The following CA10 variants were observed in gnomAD, a reference collection of about 807,000 sequenced individuals.
The protein encoded by CA10 is carbonic anhydrase 10 (inactive).
CA10 carries 14 observed loss-of-function variants against 44.2 expected under a neutral mutation model. That is an observed-to-expected ratio of 0.32 (90% confidence interval 0.21 to 0.50). The LOEUF is 0.50. Ranked by LOEUF, CA10 falls within the 20% of genes least tolerant of loss-of-function variation. The pLI is 0.99. For missense variants in CA10, 350 were observed against 409.7 expected (o/e 0.85, Z 1.26); for synonymous variants, 159 against 141.6 (o/e 1.12, Z -0.87).
chr17:52,129,056 T>C (rs560074817), intron 1 of CA10, among the ~76,000 whole-genome samples: 30 of 152,298 alleles, frequency 2.0e-4, no homozygotes, highest in African/African-American at 6.7e-4. Flanking sequence ...CAGTGTTCTA[T>C]TGAAAGAAGT....
intron 2 of CA10, among the ~76,000 whole-genome samples, chr17:51,958,283 C>T (rs1419503889): frequency 1.3e-5 from 2 of 148,750 alleles, no homozygotes; most frequent in Non-Finnish European, 3.0e-5. Context: ...TGATAATTGG[C>T]ATTAATTCCC....
At chr17:52,138,970 A>G (rs1383888749) in intron 1 of CA10, among the ~76,000 whole-genome samples, 1 of 152,212 alleles carries the variant, frequency 6.6e-6, no homozygotes, top group Non-Finnish European at 1.5e-5. Flanking sequence ...AGAAAATTGG[A>G]ACAGCAGACA....
At chr17:51,771,325 C>G (rs1006078157) in intron 3 of CA10, among the ~76,000 whole-genome samples, 16 of 152,002 alleles carry the variant, frequency 1.1e-4, no homozygotes, top group African/African-American at 3.4e-4. Flanking sequence ...TAATGTTACA[C>G]TTGTTTTATA....
intron 3 of CA10, among the ~76,000 whole-genome samples, chr17:51,878,547 C>T (rs564177539): frequency 6.6e-6 from 1 of 151,802 alleles, no homozygotes; most frequent in Non-Finnish European, 1.5e-5. Context: ...GGCAGACAGA[C>T]CTGAGGAAGA....
chr17:51,862,113 A>G (rs1289516748), intron 3 of CA10, among the ~76,000 whole-genome samples: 1 of 152,110 alleles, frequency 6.6e-6, no homozygotes, highest in African/African-American at 2.4e-5. Context: ...TTTCTCACAG[A>G]TAAAGTCAAG....
chr17:51,664,517 T>C (rs1424073176), intron 4 of CA10, among the ~76,000 whole-genome samples: 1 of 150,892 alleles, frequency 6.6e-6, no homozygotes, highest in Admixed American at 6.6e-5. Flanking sequence ...TTAACATCCA[T>C]TTTAGTGGAA....
chr17:51,796,481 G>C (rs534896583), intron 3 of CA10, among the ~76,000 whole-genome samples: 1 of 152,138 alleles, frequency 6.6e-6, no homozygotes, highest in Admixed American at 6.5e-5. Context: ...TCTATGGGGT[G>C]GGGGAGATAG....
intron 4 of CA10, among the ~76,000 whole-genome samples, chr17:51,738,561 A>G (rs1916987880): frequency 6.6e-6 from 1 of 152,220 alleles, no homozygotes; most frequent in African/African-American, 2.4e-5. Flanking sequence ...ATTTATCTCA[A>G]TCAGGCACTA....
Position 51,931,037 on chromosome 17 carries a change from A to AG in CA10, c.231dup (p.Phe78LeufsTer61). 1 of 1,613,618 alleles carries AG rather than the reference A, an allele frequency of 6.2e-7. No individual in the cohort carries two copies. The highest frequency in any genetic ancestry group is 8.5e-7 in the Non-Finnish European group (1 of 1,179,662). On this transcript the variant is annotated frameshift_variant, in exon 3 of 9. Coordinates refer to ENST00000451037, the MANE Select transcript of CA10 (RefSeq NM_020178.5). LOFTEE classifies it high-confidence loss of function. ...CGAAGAGGTGTCAGAAAGGGGTCGA[A>AG]GATCATGTGACTGGTCTCTATGTTG... is the stretch of plus-strand genomic sequence containing the variant.
chr17:52,041,718 C>T (rs1986773969), intron 2 of CA10, among the ~76,000 whole-genome samples: 1 of 152,054 alleles, frequency 6.6e-6, no homozygotes, highest in Non-Finnish European at 1.5e-5. Flanking sequence ...CTTTGACGAA[C>T]ATCTCCCATT....
chr17:52,159,105 C>CG (rs577924801), upstream of CA10, among the ~76,000 whole-genome samples: 11 of 152,324 alleles, frequency 7.2e-5, no homozygotes, highest in South Asian at 2.1e-3. Flanking sequence ...GGGTTCGGCG[C>CG]GGGAGACCCA....
At chr17:51,874,514 C>T (rs531209605) in intron 3 of CA10, among the ~76,000 whole-genome samples, 5 of 152,078 alleles carry the variant, frequency 3.3e-5, no homozygotes, top group Admixed American at 6.5e-5. Context: ...TGTCAGGAGG[C>T]GGGCAGAGTT....
At chr17:51,820,283 C>T (rs889618626) in intron 3 of CA10, among the ~76,000 whole-genome samples, 4 of 142,474 alleles carry the variant, frequency 2.8e-5, no homozygotes, top group Non-Finnish European at 4.5e-5. Flanking sequence ...TTTTCTTGTG[C>T]ATGTACAGTG....
At chr17:51,964,321 T>C (rs1984000438) in intron 2 of CA10, among the ~76,000 whole-genome samples, 1 of 152,040 alleles carries the variant, frequency 6.6e-6, no homozygotes, top group Admixed American at 6.6e-5. Context: ...CATCAGGGAC[T>C]TCAGTACCCC....
intron 3 of CA10, among the ~76,000 whole-genome samples, chr17:51,922,311 G>A (rs533550937): frequency 2.0e-5 from 3 of 152,238 alleles, no homozygotes; most frequent in East Asian, 3.9e-4. Context: ...ATTTATCTAC[G>A]ATAGTGCTGG....
At chr17:52,081,657 G>A (rs1428640121) in intron 1 of CA10, among the ~76,000 whole-genome samples, 8 of 151,974 alleles carry the variant, frequency 5.3e-5, no homozygotes, top group Admixed American at 2.0e-4. Flanking sequence ...AAAATTAGCC[G>A]GGCGTAGTGG....
In CA10 at chr17:51,705,172, C is replaced by T. The variant is rs947262700; in HGVS notation, c.465+42461G>A. ...GCTCCTTAAACTTGCTATGTTCCCT[C>T]TTATTACAAGGCTTCCGTGTGGCCC... On this transcript the variant is annotated intron_variant, in intron 4 of 8. Coordinates refer to ENST00000451037, the MANE Select transcript of CA10 (RefSeq NM_020178.5). Among the ~76,000 whole-genome samples the T allele has an allele frequency of 9.9e-5, 15 of 152,256 alleles. No individual in the cohort carries two copies. The East Asian group carries it at 2.9e-3, about 29-fold the overall frequency.
At chr17:52,074,380 A>G (rs1465723118) in intron 1 of CA10, among the ~76,000 whole-genome samples, 1 of 152,154 alleles carries the variant, frequency 6.6e-6, no homozygotes, top group African/African-American at 2.4e-5. Flanking sequence ...ACATCACCTA[A>G]CAGTTTTGCA....
chr17:51,745,457 C>T (rs1904644078), intron 4 of CA10, among the ~76,000 whole-genome samples: 1 of 152,158 alleles, frequency 6.6e-6, no homozygotes, highest in African/African-American at 2.4e-5. Flanking sequence ...TAATAATGTA[C>T]CATTGTGGAA....
Sources: allele counts gnomAD v4.1 joint callset (sites outside exome capture counted in the v4.1 genomes callset), GRCh38; gene constraint gnomAD v4.1.1; transcripts MANE v1.5; gene names NCBI Gene and HGNC (gene_info 2026-07-23, HGNC 2026-07-21).